CCDC40: variants seen among roughly 807,000 people sequenced by gnomAD.
CCDC40 encodes coiled-coil domain 40 molecular ruler complex subunit, also known as coiled-coil domain-containing protein 40.
A neutral mutation model predicts 124.5 loss-of-function variants in CCDC40; 104 were observed. That is an observed-to-expected ratio of 0.84 (90% CI 0.71 to 0.98). CCDC40 has a LOEUF of 0.98. Ranked by LOEUF, CCDC40 falls within the 50% of genes least tolerant of loss-of-function variation. CCDC40 has a pLI of 0.00. For synonymous variants in CCDC40, 580 were observed against 602.9 expected, an observed-to-expected ratio of 0.96 and a Z score of 0.56; for missense variants, 1,463 against 1,503.9, an observed-to-expected ratio of 0.97 and a Z score of 0.45.
In CCDC40 at chr17:80,099,766, G is replaced by T. The variant is rs767729301; in HGVS notation, c.3420G>T (p.Gly1140=). ...TCGCCAACAAGCTCGAGTCACCAGG[G>T]CCCTCCTAGGGAGCAGCCTGGACTC... ...QMIANKLESP[G]PS The change falls in exon 20 of 20, where the codon GGG becomes GGT. Residue 1140 remains glycine (G), a synonymous_variant. Transcript: ENST00000397545. 1 of 1,612,724 alleles carries T rather than the reference G, an allele frequency of 6.2e-7. No individual in the cohort carries two copies. The highest frequency in any genetic ancestry group is 1.1e-5 in the South Asian group (1 of 91,070).
chr17:80,093,144 C>G (rs1409050622), intron 17 of CCDC40, among the ~76,000 whole-genome samples: 4 of 152,170 alleles, frequency 2.6e-5, no homozygotes, highest in African/African-American at 9.7e-5. Flanking sequence ...GCCCTGCTGT[C>G]TTGATTTCTG....
chr17:80,041,487 G>A (rs2037281558), intron 3 of CCDC40, among the ~76,000 whole-genome samples: 1 of 149,210 alleles, frequency 6.7e-6, no homozygotes, highest in Admixed American at 6.7e-5. Context: ...CTGCATGGGC[G>A]ACAGAGCGAG....
intron 13 of CCDC40, 42 bp from the exon 14 acceptor site, chr17:80,085,961 C>A (rs570199315): frequency 6.4e-7 from 1 of 1,571,036 alleles, no homozygotes; most frequent in African/African-American, 1.4e-5. Flanking sequence ...TGAGTCACTG[C>A]GCCCAGCCCT....
rs1458866505 is a variant in CCDC40 at position 80,084,937 on chromosome 17, G to A, written c.2184G>A (p.Gly728=). 1.9e-6 allele frequency: 3 copies of A among 1,613,932 alleles called. No homozygotes were observed. Among genetic ancestry groups the A allele is most frequent in the African/African-American group, 1.3e-5 (1 of 74,948 alleles). The change falls in exon 13 of 20, where the codon GGG becomes GGA. Residue 728 remains glycine (G), a synonymous_variant. Transcript: ENST00000397545. Reference sequence around the variant, plus strand: ...CGATCCTGATCGAGAGGAAGCAAGGGCTCATCAACTTCCTCAACAAGCAGC... The same window carrying A: ...CGATCCTGATCGAGAGGAAGCAAGGACTCATCAACTTCCTCAACAAGCAGC... ...RRTILIERKQ[G]LINFLNKQLE...
At chr17:80,074,814 G>A (rs1041595689) in intron 10 of CCDC40, among the ~76,000 whole-genome samples, 1 of 152,152 alleles carries the variant, frequency 6.6e-6, no homozygotes, top group African/African-American at 2.4e-5. Flanking sequence ...GTCATAGATA[G>A]TGATTACTCT....
At position 80,055,997 on chromosome 17, in the gene CCDC40, TATATA is replaced by T. The variant is rs1441787950; in HGVS notation, c.1160-2496_1160-2492del. On this transcript the variant is annotated intron_variant, in intron 7 of 19. Coordinates refer to ENST00000397545, the MANE Select transcript of CCDC40 (RefSeq NM_017950.4). ...GCTAATTTTCATATATATATATATATATATATATATATATATATATTTTTTTTTTT... is the reference window on the plus strand; with the variant it reads ...GCTAATTTTCATATATATATATATATTATATATATATATATTTTTTTTTTT... Among the ~76,000 whole-genome samples, 99 of 11,914 alleles carry T rather than the reference TATATA, an allele frequency of 8.3e-3. 6 individuals carry two copies. Among genetic ancestry groups the T allele is most frequent in the Non-Finnish European group, 0.024 (68 of 2,824 alleles). The allele number at this position is 11,914 out of a possible 152,430, so 7.8% of individuals were successfully genotyped here. A position where few individuals can be genotyped will look rare whatever the true frequency, so the allele number is the denominator to read the frequency against.
At chr17:80,076,286 A>G (rs188672439) in intron 10 of CCDC40, among the ~76,000 whole-genome samples, 165 of 152,184 alleles carry the variant, frequency 1.1e-3, no homozygotes, top group Admixed American at 3.6e-3. Flanking sequence ...TTATTTTAAG[A>G]TTGCCGTCCA....
intron 5 of CCDC40, among the ~76,000 whole-genome samples, chr17:80,049,345 C>CA (rs1199597305): frequency 6.7e-6 from 1 of 149,100 alleles, no homozygotes; most frequent in African/African-American, 2.5e-5. Context: ...GCGGAGGTTG[C>CA]ATGCAGACAG....
chr17:80,097,228 T>C lies in CCDC40; in HGVS notation c.3022-17T>C. ...GCCGGGCTGCAGGGGCCCAGCATGG[T>C]CCTGTGATTCTCCTAGGCCACCGAT... On this transcript the variant is annotated splice_polypyrimidine_tract_variant and intron_variant, in intron 18 of 19. Coordinates refer to ENST00000397545, the MANE Select transcript of CCDC40 (RefSeq NM_017950.4). 1 of 1,613,708 alleles carries C rather than the reference T, an allele frequency of 6.2e-7. No homozygotes were observed. Among genetic ancestry groups the C allele is most frequent in the Non-Finnish European group, 8.5e-7 (1 of 1,179,948 alleles).
intron 17 of CCDC40, chr17:80,090,861 C>T: frequency 2.9e-6 from 3 of 1,045,398 alleles, no homozygotes; most frequent in Non-Finnish European, 2.4e-6. Context: ...AGATCAAGTG[C>T]ATATGCTAAT....
intron 2 of CCDC40, among the ~76,000 whole-genome samples, chr17:80,039,239 C>T (rs910581134): frequency 2.6e-5 from 4 of 152,004 alleles, no homozygotes; most frequent in African/African-American, 4.8e-5. Context: ...TGGTGGTACA[C>T]ACCTGTAGTC....
Position 80,058,553 on chromosome 17 carries a change from A to G in CCDC40, c.1219A>G (p.Ile407Val). Residue 407 changes from isoleucine (I) to valine (V), a missense_variant, in exon 8 of 20, where the codon ATC becomes GTC. By Grantham distance (29) the Ile-to-Val change is conservative. Transcript: ENST00000397545. The surrounding 1 kb of genome is among the most constrained non-coding windows in gnomAD (Gnocchi z 4.2). ...LALHLFYMQN[I>V]DQDMRDDIRV... ...CCTGCATCTCTTCTACATGCAGAACATCGACCAGGACATGCGTGACGACAT... is the reference window on the plus strand; with the variant it reads ...CCTGCATCTCTTCTACATGCAGAACGTCGACCAGGACATGCGTGACGACAT... 6.2e-7 allele frequency: 1 copy of G among 1,614,180 alleles called. No individual in the cohort carries two copies. The highest frequency in any genetic ancestry group is 8.5e-7 in the Non-Finnish European group (1 of 1,179,998).
Position 80,097,270 on chromosome 17 carries a change from T to G in CCDC40, c.3047T>G (p.Val1016Gly), listed in dbSNP as rs763296887. The G allele has an allele frequency of 1.9e-6, 3 of 1,613,852 alleles. No homozygotes were observed. The highest frequency in any genetic ancestry group is 2.5e-6 in the Non-Finnish European group (3 of 1,180,006). The stretch of plus-strand genomic sequence containing the variant: ...GCCACCGATGAGTGCACCAAAACCG[T>G]CCTGGAACTGGAAGAAACACAAAGA... ...RKATDECTKT[V>G]LELEETQRNV... Residue 1016 changes from valine to glycine, a missense_variant, in exon 19 of 20, where the codon GTC (valine) becomes GGC (glycine). Coordinates refer to ENST00000397545, the MANE Select transcript of CCDC40 (RefSeq NM_017950.4).
chr17:80,045,804 A>G (rs995085374), intron 3 of CCDC40, among the ~76,000 whole-genome samples: 3 of 151,808 alleles, frequency 2.0e-5, no homozygotes, highest in African/African-American at 7.3e-5. Flanking sequence ...AGACTCTGCA[A>G]ACCCCACAAT....
intron 10 of CCDC40, among the ~76,000 whole-genome samples, chr17:80,080,471 T>C (rs1326329066): frequency 1.3e-5 from 2 of 152,216 alleles, no homozygotes; most frequent in Non-Finnish European, 2.9e-5. Flanking sequence ...TAATTACAGG[T>C]ATCTCATCGC....
intron 3 of CCDC40, among the ~76,000 whole-genome samples, chr17:80,041,049 C>T (rs2037267113): frequency 6.6e-6 from 1 of 152,150 alleles, no homozygotes; most frequent in Admixed American, 6.5e-5. Context: ...TATATTTTTT[C>T]ATCAATTTTC....
At position 80,067,318 on chromosome 17, in the gene CCDC40, G is replaced by A. The variant is rs2038070794; in HGVS notation, c.1562+1712G>A. 3 of 577,844 alleles carry A rather than the reference G, an allele frequency of 5.2e-6. No homozygotes were observed. The South Asian group carries it at 6.6e-5, about 13-fold the overall frequency. 35.8% of individuals were successfully genotyped at this position (577,844 alleles called of 1,614,324 possible). A position where few individuals can be genotyped will look rare whatever the true frequency, so the allele number is the denominator to read the frequency against. On this transcript the variant is annotated intron_variant, in intron 10 of 19. Coordinates refer to ENST00000397545, the MANE Select transcript of CCDC40 (RefSeq NM_017950.4). ...ATTCGATCAGGTCTCCTCCTCCTCG[G>A]CCCGCAGTCACTAGAACCCCCTCCC...
In CCDC40 at chr17:80,089,890, GGGA is replaced by G. The variant is rs768814288; in HGVS notation, c.2832+11_2832+13del. On this transcript the variant is annotated splice_region_variant and intron_variant, in intron 17 of 19. Coordinates refer to ENST00000397545, the MANE Select transcript of CCDC40 (RefSeq NM_017950.4). ...GCGAGATCCACAGGATGAAGGTGAG[GGGA>G]GGAGAGCGGCGTGGCAGGGCCTGCT... 2 of 1,614,126 alleles carry G rather than the reference GGGA, an allele frequency of 1.2e-6. No individual in the cohort carries two copies. The highest frequency in any genetic ancestry group is 3.3e-5 in the Admixed American group (2 of 60,032).
In CCDC40 at chr17:80,087,729, G is replaced by C; in HGVS notation, c.2572G>C (p.Glu858Gln). ...NKNRCSSEEL[E>Q]QNNRVTENEF... ...AAACCGGTGCAGCTCGGAGGAGCTGGAGCAGAACAACCGGGTGACAGAGAA... is the reference window on the plus strand; with the variant it reads ...AAACCGGTGCAGCTCGGAGGAGCTGCAGCAGAACAACCGGGTGACAGAGAA... Residue 858 changes from glutamate (E) to glutamine (Q), a missense_variant, in exon 15 of 20, where the codon GAG becomes CAG. By Grantham distance (29) the Glu-to-Gln change is conservative. Coordinates refer to ENST00000397545, the MANE Select transcript of CCDC40 (RefSeq NM_017950.4). The surrounding 1 kb of genome is among the most constrained non-coding windows in gnomAD (Gnocchi z 4.5). The C allele has an allele frequency of 6.2e-7, 1 of 1,614,108 alleles. No homozygotes were observed. Among genetic ancestry groups the C allele is most frequent in the Non-Finnish European group, 8.5e-7 (1 of 1,179,962 alleles).
Sources: allele counts gnomAD v4.1 joint callset (sites outside exome capture counted in the v4.1 genomes callset), GRCh38; gene constraint gnomAD v4.1.1; non-coding constraint Gnocchi (gnomAD v3.1); transcripts MANE v1.5; gene names NCBI Gene and HGNC (gene_info 2026-07-23, HGNC 2026-07-21).